Variants in ECE1 observed in about 807,000 individuals in gnomAD.
The protein encoded by ECE1 is endothelin-converting enzyme 1.
Under a neutral mutation model 98.6 loss-of-function variants are expected in ECE1, and 35 were observed. The ratio of observed to expected loss-of-function variants is 0.35; its 90% CI spans 0.27 to 0.47. ECE1 has a LOEUF of 0.47. ECE1 is among the 20% of genes least tolerant of loss of function. The probability of loss-of-function intolerance (pLI) is 1.00; values close to 1 mark genes in which losing one functional copy is unlikely to be tolerated. For missense variants in ECE1, 814 were observed against 1,025.3 expected (o/e 0.79, Z 2.81); for synonymous variants, 394 against 407.1 (o/e 0.97, Z 0.39).
chr1:21,267,436 GGCTGT>G lies in ECE1; in HGVS notation c.493+5258_493+5262del, dbSNP rs760065376. Among the ~76,000 whole-genome samples the G allele has an allele frequency of 2.0e-4, 30 of 152,272 alleles. No individual in the cohort carries two copies. The East Asian group carries it at 2.5e-3, about 13-fold the overall frequency. ...GTGGCAACAGGCAAAGAGAGAGAGAGGCTGTGCAGGAGAACTCCCATTTTTAAAAC... is the reference window on the plus strand; with the variant it reads ...GTGGCAACAGGCAAAGAGAGAGAGAGGCAGGAGAACTCCCATTTTTAAAAC... On this transcript the variant is annotated intron_variant, in intron 4 of 18. Transcript: ENST00000374893.
intron 1 of ECE1, among the ~76,000 whole-genome samples, chr1:21,306,829 C>T (rs1035723188): frequency 6.6e-6 from 1 of 152,166 alleles, no homozygotes. Context: ...TGTGCTCAAG[C>T]CTCTGGGGAG....
chr1:21,235,847 C>A lies in ECE1; in HGVS notation c.1566+3G>T. 6.2e-7 allele frequency: 1 copy of A among 1,614,182 alleles called. No individual in the cohort carries two copies. On this transcript the variant is annotated splice_donor_region_variant and intron_variant, in intron 13 of 18. Transcript: ENST00000374893. The surrounding 1 kb of genome is among the most constrained non-coding windows in gnomAD (Gnocchi z 4.2). Reference sequence around the variant, plus strand: ...GCAAGGGGGCAGGGCAGCAGCTACTCACGTCATTAAACACTTTGTCCAGCT... The same window carrying A: ...GCAAGGGGGCAGGGCAGCAGCTACTAACGTCATTAAACACTTTGTCCAGCT...
At chr1:21,284,191 G>A (rs971694545) in intron 2 of ECE1, among the ~76,000 whole-genome samples, 1 of 152,228 alleles carries the variant, frequency 6.6e-6, no homozygotes, top group Non-Finnish European at 1.5e-5. Context: ...GTGAGATGAG[G>A]TCACAGCATG....
At chr1:21,265,930 C>T (rs1475284337) in intron 4 of ECE1, among the ~76,000 whole-genome samples, 1 of 151,974 alleles carries the variant, frequency 6.6e-6, no homozygotes, top group Non-Finnish European at 1.5e-5. Flanking sequence ...CCTAGGGCCA[C>T]ACAACAGAGC....
intron 3 of ECE1, among the ~76,000 whole-genome samples, chr1:21,274,785 T>A (rs2098244563): frequency 6.6e-6 from 1 of 152,180 alleles, no homozygotes; most frequent in Admixed American, 6.5e-5. Context: ...GACTTTGAGA[T>A]AATCACACAA....
At chr1:21,279,059 C>A in intron 3 of ECE1, 132 bp downstream of exon 3, 2 of 1,491,448 alleles carry the variant, frequency 1.3e-6, no homozygotes, top group African/African-American at 1.4e-5. Context: ...GCACCCAGAC[C>A]CCCCTGGGCC....
chr1:21,248,632 CT>C (rs3831494), intron 8 of ECE1, among the ~76,000 whole-genome samples: 8 of 148,222 alleles, frequency 5.4e-5, no homozygotes, highest in East Asian at 2.0e-4. Context: ...TTTTTCTTTT[CT>C]TTTTTTTTTG....
intron 1 of ECE1, among the ~76,000 whole-genome samples, chr1:21,314,608 G>A (rs763598246): frequency 7.2e-5 from 11 of 152,284 alleles, no homozygotes; most frequent in Middle Eastern, 3.4e-3. Context: ...GAAATCAAGG[G>A]TCAGACAGCC....
At chr1:21,224,391 G>T (rs2098171133) in intron 17 of ECE1, among the ~76,000 whole-genome samples, 1 of 152,140 alleles carries the variant, frequency 6.6e-6, no homozygotes, top group African/African-American at 2.4e-5. Context: ...CTTTTAGAGA[G>T]CAGGATGAGC....
intron 11 of ECE1, among the ~76,000 whole-genome samples, chr1:21,237,891 C>A (rs1257779060): frequency 6.6e-6 from 1 of 152,246 alleles, no homozygotes; most frequent in Non-Finnish European, 1.5e-5. Flanking sequence ...CACAGCCTTG[C>A]AGGCTGCTGG....
chr1:21,236,590 G>A (rs548920689), intron 12 of ECE1, among the ~76,000 whole-genome samples, 156 bp downstream of exon 12: 14 of 152,228 alleles, frequency 9.2e-5, no homozygotes, highest in South Asian at 2.1e-4. Context: ...CGGAGGTTGC[G>A]GTGAGCCAAG....
chr1:21,289,528 G>A (rs1012383688), intron 2 of ECE1, among the ~76,000 whole-genome samples: 4 of 152,190 alleles, frequency 2.6e-5, no homozygotes, highest in Admixed American at 6.5e-5. Flanking sequence ...GGCAGGGAGA[G>A]GGGGCAGAGA....
chr1:21,232,766 G>C (rs923572478), intron 14 of ECE1, among the ~76,000 whole-genome samples: 11 of 151,656 alleles, frequency 7.3e-5, no homozygotes, highest in African/African-American at 2.7e-4. Context: ...CCGCCTCCCG[G>C]GTTCAAGCAA....
chr1:21,246,514 A>AG (rs57550114), intron 9 of ECE1, among the ~76,000 whole-genome samples: 1 of 145,174 alleles, frequency 6.9e-6, no homozygotes, highest in Non-Finnish European at 1.5e-5. Flanking sequence ...AAAAAAAAAA[A>AG]GAAAAGAAAA....
At chr1:21,314,418 C>T (rs542265699) in intron 1 of ECE1, among the ~76,000 whole-genome samples, 87 of 152,296 alleles carry the variant, frequency 5.7e-4, no homozygotes, top group African/African-American at 1.9e-3. Flanking sequence ...CAGTCCCATT[C>T]GGGAGCCAAT....
intron 1 of ECE1, among the ~76,000 whole-genome samples, chr1:21,329,330 G>GACTTGC (rs1639146619): frequency 6.6e-6 from 1 of 152,196 alleles, no homozygotes; most frequent in Admixed American, 6.5e-5. Context: ...TGCTACCGCC[G>GACTTGC]ACTTGCAATT....
upstream of ECE1, among the ~76,000 whole-genome samples, chr1:21,291,300 A>G (rs2098266394): frequency 6.6e-6 from 1 of 152,234 alleles, no homozygotes; most frequent in South Asian, 2.1e-4. Flanking sequence ...CGCTTCTAGC[A>G]AGGCGGGAAT....
At position 21,219,605 on chromosome 1, in the gene ECE1, AAT is replaced by A; in HGVS notation, c.*348_*349del. 1 of 320,964 alleles carries A rather than the reference AAT, an allele frequency of 3.1e-6. No homozygotes were observed. The highest frequency in any genetic ancestry group is 4.0e-5 in the Admixed American group (1 of 24,792). 19.9% of individuals were successfully genotyped at this position (320,964 alleles called of 1,614,324 possible). A position where few individuals can be genotyped will look rare whatever the true frequency, so the allele number is the denominator to read the frequency against. ...CCAGTGTATTCCACAGTGTTTAAAA[AAT>A]AGTTTCCCCAAAAATATATCTTGAA... On this transcript the variant is annotated 3_prime_UTR_variant, in exon 19 of 19. Coordinates refer to ENST00000374893, the MANE Select transcript of ECE1 (RefSeq NM_001397.3). This position sits in a 1 kb window ranked among gnomAD's most constrained non-coding sequence, Gnocchi z 4.5.
intron 1 of ECE1, among the ~76,000 whole-genome samples, chr1:21,312,079 T>C (rs1450855750): frequency 4.1e-5 from 6 of 146,372 alleles, no homozygotes; most frequent in Non-Finnish European, 8.9e-5. Flanking sequence ...ACTGAGATCA[T>C]GCCACTGCAC....
Sources: gnomAD v4.1 joint callset for allele counts (sites outside exome capture counted in the v4.1 genomes callset) on GRCh38, gnomAD v4.1.1 for gene constraint, Gnocchi (gnomAD v3.1) non-coding constraint, MANE v1.5 for transcripts, NCBI Gene and HGNC (gene_info 2026-07-23, HGNC 2026-07-21) for gene names.